TANC2: variants seen among roughly 807,000 people sequenced by gnomAD.
The protein encoded by TANC2 is tetratricopeptide repeat, ankyrin repeat and coiled-coil containing 2.
In TANC2, 26 loss-of-function variants were observed where a neutral mutation model predicts 210.5. The ratio of observed to expected loss-of-function variants is 0.12; its 90% CI spans 0.09 to 0.17. TANC2 has a LOEUF of 0.17. TANC2 is among the 10% of genes least tolerant of loss of function. TANC2 has a pLI of 1.00. For missense variants in TANC2, 2,129 were observed against 2,608.9 expected (o/e 0.82, Z 4.01); for synonymous variants, 931 against 967.1 (o/e 0.96, Z 0.69).
chr17:63,298,037 A>C (rs555992165), intron 9 of TANC2, among the ~76,000 whole-genome samples: 1 of 152,292 alleles, frequency 6.6e-6, no homozygotes, highest in African/African-American at 2.4e-5. Context: ...GGCTGTAATA[A>C]AAACAAAAAA....
intron 19 of TANC2, 131 bp downstream of exon 19, chr17:63,399,045 C>G (rs562973231): frequency 1.1e-5 from 6 of 564,318 alleles, no homozygotes; most frequent in African/African-American, 9.6e-5. Context: ...CAGACTGATT[C>G]AGCCAAACTA....
intron 2 of TANC2, among the ~76,000 whole-genome samples, chr17:63,015,489 C>G (rs2034067002): frequency 1.3e-5 from 2 of 151,864 alleles, no homozygotes; most frequent in Admixed American, 1.3e-4. Flanking sequence ...CATGACAGGC[C>G]CCAGTGTGTG....
chr17:62,971,069 TA>T, intron 1 of TANC2, among the ~76,000 whole-genome samples: 1 of 152,144 alleles, frequency 6.6e-6, no homozygotes, highest in East Asian at 1.9e-4. Flanking sequence ...ACTATACAAA[TA>T]AATAGTTTAG....
intron 5 of TANC2, among the ~76,000 whole-genome samples, chr17:63,173,035 A>G (rs2040456771): frequency 6.6e-6 from 1 of 152,184 alleles, no homozygotes. Flanking sequence ...GGTGCGTAAA[A>G]CTTTACTGGA....
chr17:63,262,768 ACTC>A (rs1302948062), intron 8 of TANC2, among the ~76,000 whole-genome samples: 1 of 151,972 alleles, frequency 6.6e-6, no homozygotes, highest in African/African-American at 2.4e-5. Flanking sequence ...CTTGGCCTAA[ACTC>A]CTCTCAACCC....
intron 4 of TANC2, among the ~76,000 whole-genome samples, chr17:63,112,798 T>C (rs1598416499): frequency 6.6e-6 from 1 of 152,186 alleles, no homozygotes; most frequent in African/African-American, 2.4e-5. Context: ...TTGATTAATA[T>C]CCTTTTTAGC....
chr17:63,423,738 C>T (rs1456086092), exon 28 of TANC2: 1 of 152,230 alleles, frequency 6.6e-6, no homozygotes, highest in African/African-American at 2.4e-5. Context: ...ACCCCCAAAC[C>T]TAAAACAGGC....
At chr17:63,287,016 C>T (rs919991604) in intron 9 of TANC2, among the ~76,000 whole-genome samples, 2 of 152,148 alleles carry the variant, frequency 1.3e-5, no homozygotes, top group South Asian at 4.1e-4. Context: ...CCACTGCAAC[C>T]TCTGCCTCCC....
chr17:63,202,939 G>A (rs2041583428), intron 7 of TANC2, among the ~76,000 whole-genome samples: 1 of 151,962 alleles, frequency 6.6e-6, no homozygotes. Context: ...AAATCTATAT[G>A]AACACCAAAT....
intron 2 of TANC2, among the ~76,000 whole-genome samples, chr17:63,039,698 A>G (rs756750116): frequency 2.4e-4 from 37 of 152,192 alleles, no homozygotes; most frequent in Non-Finnish European, 4.9e-4. Flanking sequence ...AATTGTTAAC[A>G]AGATAAAAGC....
chr17:63,298,833 A>T (rs1433292466), intron 9 of TANC2, among the ~76,000 whole-genome samples: 1 of 152,206 alleles, frequency 6.6e-6, no homozygotes, highest in Non-Finnish European at 1.5e-5. Context: ...TACATGTGCC[A>T]TGGTGGTTTG....
chr17:63,381,850 A>G (rs2047620941), intron 15 of TANC2, among the ~76,000 whole-genome samples: 1 of 152,222 alleles, frequency 6.6e-6, no homozygotes, highest in Admixed American at 6.5e-5. Flanking sequence ...ATTCTAAGGA[A>G]GGGACTCCAT....
At chr17:63,320,928 G>T (rs1393196861) in intron 11 of TANC2, among the ~76,000 whole-genome samples, 1 of 152,170 alleles carries the variant, frequency 6.6e-6, no homozygotes, top group Non-Finnish European at 1.5e-5. Flanking sequence ...GCTGGGCGCA[G>T]TGGCTCATGC....
At chr17:63,404,712 A>G (rs2048445348) in intron 19 of TANC2, among the ~76,000 whole-genome samples, 1 of 152,060 alleles carries the variant, frequency 6.6e-6, no homozygotes, top group African/African-American at 2.4e-5. Context: ...AGCTAATTCT[A>G]AAACAAAACA....
chr17:63,171,762 C>G (rs1011957325), intron 5 of TANC2, among the ~76,000 whole-genome samples: 4 of 152,180 alleles, frequency 2.6e-5, no homozygotes, highest in Non-Finnish European at 5.9e-5. Context: ...CACAAGATGC[C>G]TACTATATCT....
At chr17:63,053,961 C>T (rs2144421741) in intron 2 of TANC2, among the ~76,000 whole-genome samples, 1 of 152,324 alleles carries the variant, frequency 6.6e-6, no homozygotes, top group East Asian at 1.9e-4. Flanking sequence ...GCAGTAGCCT[C>T]TTAATTGGTC....
At chr17:63,243,215 A>C (rs1378385351) in intron 8 of TANC2, among the ~76,000 whole-genome samples, 1 of 152,228 alleles carries the variant, frequency 6.6e-6, no homozygotes, top group African/African-American at 2.4e-5. Context: ...ACACAAGGAA[A>C]TGCTGCAATT....
chr17:63,083,005 G>C (rs2036835795), intron 3 of TANC2, among the ~76,000 whole-genome samples: 1 of 152,158 alleles, frequency 6.6e-6, no homozygotes, highest in African/African-American at 2.4e-5. Context: ...CCAAGTCTCT[G>C]AATATCCAGT....
At chr17:63,296,346 T>C (rs2044536033) in intron 9 of TANC2, among the ~76,000 whole-genome samples, 1 of 150,578 alleles carries the variant, frequency 6.6e-6, no homozygotes, top group Non-Finnish European at 1.5e-5. Flanking sequence ...CTACACACAA[T>C]AAGGAGTAGA....
Sources: gnomAD v4.1 joint callset for allele counts (sites outside exome capture counted in the v4.1 genomes callset) on GRCh38, gnomAD v4.1.1 for gene constraint, MANE v1.5 for transcripts, NCBI Gene and HGNC (gene_info 2026-07-23, HGNC 2026-07-21) for gene names.